Variants in NT5C3B observed in about 807,000 individuals in gnomAD.
NT5C3B encodes 5'-nucleotidase, cytosolic IIIB, also known as 7-methylguanosine phosphate-specific 5'-nucleotidase.
In NT5C3B, 28 loss-of-function variants were observed where a neutral mutation model predicts 32.5. The ratio of observed to expected loss-of-function variants is 0.86; its 90% confidence interval spans 0.64 to 1.18. The LOEUF (loss-of-function observed/expected upper bound fraction) is 1.18. Ranked by LOEUF, NT5C3B falls within the 50% of genes most tolerant of loss-of-function variation. NT5C3B has a pLI of 0.00. For synonymous variants in NT5C3B, 138 were observed against 118.0 expected (o/e 1.17, Z -1.10); for missense variants, 317 against 322.0 (o/e 0.98, Z 0.12).
chr17:41,833,629 T>C (rs538310274), intron 4 of NT5C3B, among the ~76,000 whole-genome samples: 111 of 152,230 alleles, frequency 7.3e-4, no homozygotes, highest in African/African-American at 2.5e-3. Context: ...TGTTTCTTTA[T>C]AAGTTAATTA....
At chr17:41,835,501 T>C (rs2048133368) in intron 2 of NT5C3B, 6 of 663,852 alleles carry the variant, frequency 9.0e-6, no homozygotes, top group Non-Finnish European at 1.6e-5. Flanking sequence ...CAAGGGTGAA[T>C]ACTCAGGACC....
chr17:41,831,912 C>T (rs2048058323), intron 5 of NT5C3B, among the ~76,000 whole-genome samples: 1 of 152,034 alleles, frequency 6.6e-6, no homozygotes, highest in African/African-American at 2.4e-5. Context: ...AAAAATGAGC[C>T]AGGCACAGTG....
In NT5C3B at chr17:41,832,437, T is replaced by A. The variant is rs782368480; in HGVS notation, c.269A>T (p.Asp90Val). The A allele has an allele frequency of 6.2e-7, 1 of 1,613,796 alleles. No homozygotes were observed. Among genetic ancestry groups the A allele is most frequent in the Admixed American group, 1.7e-5 (1 of 59,968 alleles). ...LLHHYYPIEIDPHRTVKEKLP... is the reference protein window; with the variant it reads ...LLHHYYPIEIVPHRTVKEKLP... ...CTTCTCCTTGACGGTCCGGTGTGGG[T>A]CGATCTCAATTGGGTAATAGTGGTG... The change falls in exon 5 of 9, where the codon GAC (aspartate) becomes GTC (valine). Residue 90 changes from aspartate (D) to valine (V), a missense_variant. Physicochemically the swap from Asp to Val is radical, Grantham distance 152 (BLOSUM62 -3). Coordinates refer to ENST00000435506, the MANE Select transcript of NT5C3B (RefSeq NM_052935.5).
intron 5 of NT5C3B, among the ~76,000 whole-genome samples, chr17:41,832,088 C>G (rs2048061415): frequency 6.6e-6 from 1 of 152,046 alleles, no homozygotes; most frequent in Non-Finnish European, 1.5e-5. Flanking sequence ...TTCACCTAGT[C>G]TGTTATTCTG....
chr17:41,835,181 G>A (rs1555619667), intron 3 of NT5C3B, 22 bp downstream of exon 3: 1 of 1,613,688 alleles, frequency 6.2e-7, no homozygotes, highest in South Asian at 1.1e-5. Flanking sequence ...AGCTCAACAA[G>A]GGAAGCTAGA....
At position 41,825,492 on chromosome 17, in the gene NT5C3B, C is replaced by T. The variant is rs1307982577; in HGVS notation, c.*31G>A. 1.2e-6 allele frequency: 1 copy of T among 863,760 alleles called. No homozygotes were observed. The highest frequency in any genetic ancestry group is 1.6e-5 in the African/African-American group (1 of 61,228). 53.5% of individuals were successfully genotyped at this position (863,760 alleles called of 1,614,324 possible). ...TCTGGGGAGGCGCCCCTCCTCACCA[C>T]GGCCTGCAGGCCGGGCTGGAGCCTG... On this transcript the variant is annotated 3_prime_UTR_variant, in exon 9 of 9. Transcript: ENST00000435506.
At chr17:41,834,674 A>C (rs2048114135) in intron 4 of NT5C3B, among the ~76,000 whole-genome samples, 1 of 152,062 alleles carries the variant, frequency 6.6e-6, no homozygotes, top group African/African-American at 2.4e-5. Context: ...ACTTGAGCCT[A>C]GGAGGTCAAG....
At chr17:41,836,147 G>GCCCCC in intron 1 of NT5C3B, 35 bp downstream of exon 1, 2 of 1,312,246 alleles carry the variant, frequency 1.5e-6, no homozygotes, top group Non-Finnish European at 1.9e-6. Flanking sequence ...CGGAGTCCGG[G>GCCCCC]CCCGCCCCAC....
In NT5C3B at chr17:41,828,494, G is replaced by A. The variant is rs117922651; in HGVS notation, c.567+296C>T. 0.075 allele frequency: 17,178 copies of A among 229,168 alleles called. 885 individuals carry two copies. The highest frequency in any genetic ancestry group is 0.13 in the Middle Eastern group (78 of 622). 14.2% of individuals were successfully genotyped at this position (229,168 alleles called of 1,614,324 possible). A position where few individuals can be genotyped will look rare whatever the true frequency, so the allele number is the denominator to read the frequency against. On this transcript the variant is annotated intron_variant, in intron 7 of 8. Coordinates refer to ENST00000435506, the MANE Select transcript of NT5C3B (RefSeq NM_052935.5). ...TGGGATTACAGCCACACACCACCAC[G>A]CCCGGCTTATTTCTGTATTTTTAGT...
Position 41,832,439 on chromosome 17 carries a change from G to T in NT5C3B, c.267C>A (p.Ile89=), listed in dbSNP as rs138949240. ...TCTCCTTGACGGTCCGGTGTGGGTC[G>T]ATCTCAATTGGGTAATAGTGGTGAA... The part of the protein sequence containing the change: ...ALLHHYYPIE[I]DPHRTVKEKL... Residue 89 remains isoleucine (I), a synonymous_variant, in exon 5 of 9, where the codon ATC becomes ATA. Coordinates refer to ENST00000435506, the MANE Select transcript of NT5C3B (RefSeq NM_052935.5). 38 of 1,613,544 alleles carry T rather than the reference G, an allele frequency of 2.4e-5. No individual in the cohort carries two copies. The highest frequency in any genetic ancestry group is 3.3e-5 in the Admixed American group (2 of 59,968).
intron 6 of NT5C3B, among the ~76,000 whole-genome samples, chr17:41,829,734 G>A (rs185371063): frequency 5.9e-5 from 9 of 152,272 alleles, no homozygotes; most frequent in Admixed American, 5.9e-4. Flanking sequence ...TTGATAGACA[G>A]TTGAGAGATT....
At position 41,835,258 on chromosome 17, in the gene NT5C3B, A is replaced by C. The variant is rs2048127562; in HGVS notation, c.126T>G (p.Phe42Leu). 6.2e-7 allele frequency: 1 copy of C among 1,614,150 alleles called. No homozygotes were observed. Among genetic ancestry groups the C allele is most frequent in the Non-Finnish European group, 8.5e-7 (1 of 1,179,994 alleles). ...ATGCAAACCTGCTCAAGGTCATGTC[A>C]AAATCAGAAATCACCTATAAGGCAA... The part of the protein sequence containing the change: ...GGDRLQVISD[F>L]DMTLSRFAYN... The change falls in exon 3 of 9, where the codon TTT becomes TTG. Residue 42 changes from phenylalanine (F) to leucine (L), a missense_variant. By Grantham distance (22) the Phe-to-Leu change is conservative (BLOSUM62 0). Transcript: ENST00000435506.
intron 4 of NT5C3B, among the ~76,000 whole-genome samples, chr17:41,832,874 A>G (rs543986868): frequency 4.6e-5 from 7 of 152,350 alleles, no homozygotes; most frequent in African/African-American, 1.4e-4. Flanking sequence ...CTGTGTCTCA[A>G]ATAAAAAGAA....
Position 41,830,947 on chromosome 17 carries a change from C to T in NT5C3B, c.315-57G>A, listed in dbSNP as rs1555618952. 2.7e-6 allele frequency: 3 copies of T among 1,118,572 alleles called. No homozygotes were observed. The East Asian group carries it at 7.1e-5, about 26-fold the overall frequency. The allele number at this position is 1,118,572 out of a possible 1,614,324, so 69.3% of individuals were successfully genotyped here. A position where few individuals can be genotyped will look rare whatever the true frequency, so the allele number is the denominator to read the frequency against. On this transcript the variant is annotated intron_variant, in intron 5 of 8. Coordinates refer to ENST00000435506, the MANE Select transcript of NT5C3B (RefSeq NM_052935.5). ...TCAAATCACTGAAGTAAATAACTCACCCTTTCCCTTTACAGAGCCAAGTAC... is the reference window on the plus strand; with the variant it reads ...TCAAATCACTGAAGTAAATAACTCATCCTTTCCCTTTACAGAGCCAAGTAC...
intron 8 of NT5C3B, among the ~76,000 whole-genome samples, chr17:41,826,883 C>T (rs946747076): frequency 2.4e-4 from 36 of 151,376 alleles, no homozygotes; most frequent in African/African-American, 7.5e-4. Flanking sequence ...GCCTGTAGTC[C>T]CAGCTACTCA....
intron 2 of NT5C3B, 90 bp downstream of exon 2, chr17:41,835,769 C>A (rs2048140958): frequency 7.7e-7 from 1 of 1,292,376 alleles, no homozygotes. Flanking sequence ...TAGGAGGGGT[C>A]CGCGGCAGAG....
At position 41,835,911 on chromosome 17, in the gene NT5C3B, C is replaced by G. The variant is rs781980369; in HGVS notation, c.59G>C (p.Arg20Pro). Residue 20 changes from arginine (R) to proline (P), a missense_variant, in exon 2 of 9, where the codon CGG becomes CCG. Coordinates refer to ENST00000435506, the MANE Select transcript of NT5C3B (RefSeq NM_052935.5). ...GAGGGCGCCCACGATCTCCTGCACC[C>G]GCCCAGGCTGCCGCATCAGGACCGT... ...KATVLMRQPG[R>P]VQEIVGALRK... 5.6e-6 allele frequency: 9 copies of G among 1,607,420 alleles called. No homozygotes were observed. The East Asian group carries it at 9.0e-5, about 16-fold the overall frequency.
At chr17:41,834,944 G>T in intron 4 of NT5C3B, 126 bp downstream of exon 4, 1 of 939,626 alleles carries the variant, frequency 1.1e-6, no homozygotes, top group Non-Finnish European at 1.7e-6. Context: ...ACCCTCCTTA[G>T]CAAAACAACA....
At chr17:41,826,017 T>C (rs554217671) in intron 8 of NT5C3B, among the ~76,000 whole-genome samples, 25 of 151,844 alleles carry the variant, frequency 1.6e-4, no homozygotes, top group African/African-American at 6.0e-4. Context: ...TGGCCGGGCA[T>C]GGGGGTGGGT....
Sources: gnomAD v4.1 joint callset for allele counts (sites outside exome capture counted in the v4.1 genomes callset) on GRCh38, gnomAD v4.1.1 for gene constraint, MANE v1.5 for transcripts, NCBI Gene and HGNC (gene_info 2026-07-23, HGNC 2026-07-21) for gene names.